ADAMTS2: variants seen among roughly 807,000 people sequenced by gnomAD.
ADAMTS2 encodes the protein A disintegrin and metalloproteinase with thrombospondin motifs 2.
A neutral mutation model predicts 123.0 loss-of-function variants in ADAMTS2; 50 were observed. The observed-to-expected ratio is 0.41, with a 90% CI of 0.32 to 0.51. The LOEUF (loss-of-function observed/expected upper bound fraction) is 0.51. Among genes scored for constraint, ADAMTS2 ranks in the 20% least tolerant of loss-of-function variants. The pLI is 0.35. For synonymous variants in ADAMTS2, 678 were observed against 695.4 expected (o/e 0.98, Z 0.39); for missense variants, 1,494 against 1,705.2 (o/e 0.88, Z 2.18).
intron 3 of ADAMTS2, among the ~76,000 whole-genome samples, chr5:179,222,866 C>A (rs1340417372): frequency 6.6e-6 from 1 of 152,216 alleles, no homozygotes; most frequent in Non-Finnish European, 1.5e-5. Context: ...CCAGCTGCCT[C>A]CGAACCTCCA....
intron 5 of ADAMTS2, among the ~76,000 whole-genome samples, chr5:179,161,335 C>T (rs535709994): frequency 1.2e-4 from 19 of 152,216 alleles, no homozygotes; most frequent in African/African-American, 3.4e-4. Flanking sequence ...GGATGTGATT[C>T]GGTGCTAGAG....
rs938138543 is a variant in ADAMTS2 at position 179,234,082 on chromosome 5, T to C, written c.689-26367A>G. On this transcript the variant is annotated intron_variant, in intron 3 of 21. Coordinates refer to ENST00000251582, the MANE Select transcript of ADAMTS2 (RefSeq NM_014244.5). This position sits in a 1 kb window ranked among gnomAD's most constrained non-coding sequence, Gnocchi z 4.7. ...TTCCACAGCCCGACTCCCCGTGGACTCTGCAGGTTTCCTAATGTCCTCCCA... is the reference window on the plus strand; with the variant it reads ...TTCCACAGCCCGACTCCCCGTGGACCCTGCAGGTTTCCTAATGTCCTCCCA... Among the ~76,000 whole-genome samples, 1 of 152,166 alleles carries C rather than the reference T, an allele frequency of 6.6e-6. No individual in the cohort carries two copies. The highest frequency in any genetic ancestry group is 6.5e-5 in the Admixed American group (1 of 15,280).
At chr5:179,115,000 C>T (rs1466262792) in intron 21 of ADAMTS2, among the ~76,000 whole-genome samples, 1 of 152,226 alleles carries the variant, frequency 6.6e-6, no homozygotes. Flanking sequence ...TTTCCAGCCT[C>T]TGCTCCATCC....
At chr5:179,201,247 A>T (rs1415258793) in intron 4 of ADAMTS2, among the ~76,000 whole-genome samples, 1 of 152,238 alleles carries the variant, frequency 6.6e-6, no homozygotes, top group Non-Finnish European at 1.5e-5. Flanking sequence ...ACTCAGCTTA[A>T]GGAAATAAGT....
rs2271211 is a variant in ADAMTS2 at position 179,344,081 on chromosome 5, C to G, written c.220G>C (p.Val74Leu). ...GCTCTGGACGTAGCTGCCGACACCA[C>G]GTGGGACACCAAGCGGCCCTGGGCG... The part of the protein sequence containing the change: ...TDAQGRLVSH[V>L]VSAATSRAGV... The change falls in exon 2 of 22, where the codon GTG becomes CTG. Residue 74 changes from valine to leucine, a missense_variant. Physicochemically the swap from Val to Leu is conservative, Grantham distance 32 (BLOSUM62 1). Transcript: ENST00000251582. 1.2e-6 allele frequency: 2 copies of G among 1,610,752 alleles called. No individual in the cohort carries two copies. Among genetic ancestry groups the G allele is most frequent in the Non-Finnish European group, 1.7e-6 (2 of 1,178,796 alleles).
At chr5:179,152,028 G>A (rs896366581) in intron 10 of ADAMTS2, 114 bp downstream of exon 10, 18 of 888,564 alleles carry the variant, frequency 2.0e-5, no homozygotes, top group Non-Finnish European at 2.7e-5. Context: ...GGGCAGCAGA[G>A]GTCCCCTGAG....
At position 179,202,672 on chromosome 5, in the gene ADAMTS2, G is replaced by A. The variant is rs76372972; in HGVS notation, c.891+4841C>T. Among the ~76,000 whole-genome samples, 1,221 of 151,710 alleles carry A rather than the reference G, an allele frequency of 8.0e-3. 5 individuals are homozygous for A. The highest frequency in any genetic ancestry group is 0.013 in the Non-Finnish European group (911 of 67,894). Reference sequence around the variant, plus strand: ...CCAGACAGAGGAGGATGGCTATGCCGAGAATCCACCCCATCTCAGCAGCTG... The same window carrying A: ...CCAGACAGAGGAGGATGGCTATGCCAAGAATCCACCCCATCTCAGCAGCTG... On this transcript the variant is annotated intron_variant, in intron 4 of 21. Transcript: ENST00000251582. The surrounding 1 kb of genome is among the most constrained non-coding windows in gnomAD (Gnocchi z 4.0).
At chr5:179,266,391 T>C (rs1343922291) in intron 3 of ADAMTS2, among the ~76,000 whole-genome samples, 3 of 151,792 alleles carry the variant, frequency 2.0e-5, no homozygotes, top group Admixed American at 6.6e-5. Context: ...GAGGGAGAGC[T>C]GGCTATAGAA....
Position 179,345,164 on chromosome 5 carries a change from G to A in ADAMTS2, c.139+26C>T. The A allele has an allele frequency of 9.2e-7, 1 of 1,090,850 alleles. No individual in the cohort carries two copies. Among genetic ancestry groups the A allele is most frequent in the Non-Finnish European group, 1.1e-6 (1 of 899,744 alleles). 67.6% of individuals were successfully genotyped at this position (1,090,850 alleles called of 1,614,324 possible). On this transcript the variant is annotated intron_variant, in intron 1 of 21. Transcript: ENST00000251582. This position sits in a 1 kb window ranked among gnomAD's most constrained non-coding sequence, Gnocchi z 7.5. ...CAGGGCCAGGCCGGCGGGGGTCCCG[G>A]GGAGTAGGGGCCGGGCCGCACCTAC...
At chr5:179,163,292 C>T (rs745526242) in intron 5 of ADAMTS2, among the ~76,000 whole-genome samples, 5 of 152,150 alleles carry the variant, frequency 3.3e-5, no homozygotes, top group Non-Finnish European at 7.3e-5. Context: ...AGAAAGGGTA[C>T]AGAGGAATAT....
At position 179,180,832 on chromosome 5, in the gene ADAMTS2, C is replaced by T. The variant is rs1764028189; in HGVS notation, c.975+240G>A. Among the ~76,000 whole-genome samples, 1 of 152,214 alleles carries T rather than the reference C, an allele frequency of 6.6e-6. No individual in the cohort carries two copies. The highest frequency in any genetic ancestry group is 2.1e-4 in the South Asian group (1 of 4,828). On this transcript the variant is annotated intron_variant, in intron 5 of 21. Coordinates refer to ENST00000251582, the MANE Select transcript of ADAMTS2 (RefSeq NM_014244.5). The surrounding 1 kb of genome is among the most constrained non-coding windows in gnomAD (Gnocchi z 4.6). ...GTGGCCCCCGTGGCCTGGTATGTCT[C>T]TTCCTCTTGGGATCTGGGAGTAACA...
intron 2 of ADAMTS2, among the ~76,000 whole-genome samples, chr5:179,275,134 G>T (rs1216856604): frequency 6.6e-6 from 1 of 152,120 alleles, no homozygotes; most frequent in Non-Finnish European, 1.5e-5. Context: ...CAGGGCTTCT[G>T]GGGGGAGCCT....
intron 5 of ADAMTS2, among the ~76,000 whole-genome samples, chr5:179,168,412 C>T (rs530275739): frequency 4.1e-4 from 62 of 152,294 alleles, no homozygotes; most frequent in Non-Finnish European, 7.2e-4. Flanking sequence ...GCTCCACCAG[C>T]GTGTGGCCCC....
intron 3 of ADAMTS2, among the ~76,000 whole-genome samples, chr5:179,222,668 G>A (rs1045547153): frequency 2.6e-5 from 4 of 152,352 alleles, no homozygotes; most frequent in Admixed American, 2.6e-4. Flanking sequence ...AGCAGCCAGC[G>A]GCAGGCCTGT....
At chr5:179,340,716 A>G (rs1284990932) in intron 2 of ADAMTS2, among the ~76,000 whole-genome samples, 1 of 152,118 alleles carries the variant, frequency 6.6e-6, no homozygotes, top group Non-Finnish European at 1.5e-5. Context: ...TGAGGATTAA[A>G]CAAGGCGAGG....
chr5:179,212,629 G>A (rs1195072715), intron 3 of ADAMTS2, among the ~76,000 whole-genome samples: 1 of 141,956 alleles, frequency 7.0e-6, no homozygotes, highest in African/African-American at 2.7e-5. Flanking sequence ...GGCCCTGAGG[G>A]CGGGTGCAGT....
chr5:179,337,822 G>A (rs2127461415), intron 2 of ADAMTS2, among the ~76,000 whole-genome samples: 1 of 149,958 alleles, frequency 6.7e-6, no homozygotes, highest in Non-Finnish European at 1.5e-5. Flanking sequence ...CTCACAGCAG[G>A]CCTGGGTGAG....
intron 4 of ADAMTS2, among the ~76,000 whole-genome samples, chr5:179,199,977 G>A (rs1399435793): frequency 6.6e-6 from 1 of 152,184 alleles, no homozygotes; most frequent in African/African-American, 2.4e-5. Flanking sequence ...TTGAGAGACA[G>A]AGAGACAGAG....
Position 179,277,318 on chromosome 5 carries a change from G to GC in ADAMTS2, c.535-4255_535-4254insG, listed in dbSNP as rs1766726249. ...GGCACCTGCCCCGAGACCAAAGGCT[G>GC]ACACCCCGAGACCAAAGGCTGACCC... On this transcript the variant is annotated intron_variant, in intron 2 of 21. Coordinates refer to ENST00000251582, the MANE Select transcript of ADAMTS2 (RefSeq NM_014244.5). 2.3e-3 allele frequency among the ~76,000 whole-genome samples: 15 copies of GC among 6,416 alleles called. 1 individual carries two copies. Among genetic ancestry groups the GC allele is most frequent in the Non-Finnish European group, 8.3e-3 (11 of 1,328 alleles). The allele number at this position is 6,416 out of a possible 152,430, so 4.2% of individuals were successfully genotyped here.
Sources: gnomAD v4.1 joint callset for allele counts (sites outside exome capture counted in the v4.1 genomes callset) on GRCh38, gnomAD v4.1.1 for gene constraint, Gnocchi (gnomAD v3.1) non-coding constraint, MANE v1.5 for transcripts, NCBI Gene and HGNC (gene_info 2026-07-23, HGNC 2026-07-21) for gene names.